AGBL1: variants seen among roughly 807,000 people sequenced by gnomAD.
AGBL1 encodes AGBL carboxypeptidase 1.
Under a neutral mutation model 118.9 loss-of-function variants are expected in AGBL1, and 130 were observed. That is an observed-to-expected ratio of 1.09 (90% CI 0.95 to 1.26). AGBL1 has a LOEUF of 1.26. Among genes scored for constraint, AGBL1 ranks in the 50% most tolerant of loss-of-function variants. The pLI, the probability that AGBL1 is intolerant of heterozygous loss-of-function variation, is 0.00. For synonymous variants in AGBL1, 555 were observed against 478.9 expected, an observed-to-expected ratio of 1.16 and a Z score of -2.08; for missense variants, 1,584 against 1,298.1, an observed-to-expected ratio of 1.22 and a Z score of -3.38.
chr15:86,869,355 G>T (rs534428584), intron 22 of AGBL1, among the ~76,000 whole-genome samples: 2 of 152,078 alleles, frequency 1.3e-5, no homozygotes, highest in East Asian at 1.9e-4. Context: ...CCAGCTGCAG[G>T]TCTCTCCTCC....
At chr15:86,817,245 T>A (rs1486887484) in intron 22 of AGBL1, among the ~76,000 whole-genome samples, 1 of 143,808 alleles carries the variant, frequency 7.0e-6, no homozygotes, top group Non-Finnish European at 1.5e-5. Flanking sequence ...TGACCCAAGA[T>A]AGTGCGATTG....
intron 22 of AGBL1, among the ~76,000 whole-genome samples, chr15:86,719,546 T>C (rs1339955015): frequency 6.6e-6 from 1 of 152,136 alleles, no homozygotes; most frequent in African/African-American, 2.4e-5. Context: ...CCAGACTCCA[T>C]CCTGAAGCTT....
chr15:86,958,961 T>G (rs572913287), intron 23 of AGBL1, among the ~76,000 whole-genome samples: 1 of 152,226 alleles, frequency 6.6e-6, no homozygotes, highest in East Asian at 1.9e-4. Context: ...GTACCATATA[T>G]TTGAAATGTT....
chr15:86,557,177 G>A (rs959808176), intron 21 of AGBL1, among the ~76,000 whole-genome samples: 1 of 152,206 alleles, frequency 6.6e-6, no homozygotes, highest in African/African-American at 2.4e-5. Context: ...CCCACCCACT[G>A]AGAGATTTAC....
chr15:86,138,114 T>C (rs1164962340), intron 1 of AGBL1, among the ~76,000 whole-genome samples: 1 of 152,120 alleles, frequency 6.6e-6, no homozygotes, highest in Non-Finnish European at 1.5e-5. Flanking sequence ...GAATAAGACC[T>C]AGTTCTTGCC....
In AGBL1 at chr15:86,264,456, G is replaced by A. The variant is rs774773649; in HGVS notation, c.1285G>A (p.Gly429Ser). The change falls in exon 11 of 23, where the codon GGC becomes AGC. Residue 429 changes from glycine (G) to serine (S), a missense_variant. By Grantham distance (56) the Gly-to-Ser change is moderately conservative. Transcript: ENST00000614907. ...GACGGGAAGGTCCACTGTGCATCTA[G>A]GCTCCAAAAAAAATCCTGGAGTGAA... ...VKTGRSTVHL[G>S]SKKNPGVNLY... The A allele has an allele frequency of 6.2e-7, 1 of 1,613,806 alleles. No homozygotes were observed. Among genetic ancestry groups the A allele is most frequent in the Non-Finnish European group, 8.5e-7 (1 of 1,179,862 alleles).
intron 22 of AGBL1, among the ~76,000 whole-genome samples, chr15:86,808,555 A>G (rs1225395930): frequency 6.7e-6 from 1 of 149,440 alleles, no homozygotes. Flanking sequence ...TCTCCTCTTT[A>G]TCTTTCCTTC....
chr15:86,727,495 G>C (rs1011813364), intron 22 of AGBL1, among the ~76,000 whole-genome samples: 1 of 152,096 alleles, frequency 6.6e-6, no homozygotes, highest in Non-Finnish European at 1.5e-5. Flanking sequence ...CATAGTCCTT[G>C]CTGGATAAAA....
At chr15:86,779,926 C>A (rs912580843) in intron 22 of AGBL1, among the ~76,000 whole-genome samples, 1 of 105,338 alleles carries the variant, frequency 9.5e-6, no homozygotes, top group African/African-American at 2.6e-5. Context: ...CCCCAACACA[C>A]ACACACACAC....
intron 19 of AGBL1, among the ~76,000 whole-genome samples, chr15:86,531,926 ACT>A (rs1017038003): frequency 3.3e-5 from 5 of 150,808 alleles, no homozygotes; most frequent in Admixed American, 1.3e-4. Flanking sequence ...CATGCTAAAA[ACT>A]CTCAATAAAT....
chr15:86,846,466 A>G (rs1001827726), intron 22 of AGBL1, among the ~76,000 whole-genome samples: 2 of 152,302 alleles, frequency 1.3e-5, no homozygotes, highest in South Asian at 4.1e-4. Flanking sequence ...TCTTACTTAG[A>G]ATTTGAGTTC....
chr15:86,390,237 A>G (rs2081255664), intron 17 of AGBL1, among the ~76,000 whole-genome samples: 1 of 152,232 alleles, frequency 6.6e-6, no homozygotes, highest in African/African-American at 2.4e-5. Context: ...TTAATAACAT[A>G]GCCTAAAAAT....
At chr15:86,583,350 C>T (rs2084200458) in intron 21 of AGBL1, among the ~76,000 whole-genome samples, 1 of 151,902 alleles carries the variant, frequency 6.6e-6, no homozygotes, top group African/African-American at 2.4e-5. Context: ...CCTCCCTACC[C>T]CTCTCTCCAG....
chr15:86,697,773 G>T (rs898930454), intron 22 of AGBL1, among the ~76,000 whole-genome samples: 2 of 151,756 alleles, frequency 1.3e-5, no homozygotes, highest in Admixed American at 1.3e-4. Flanking sequence ...TTGGCCCATG[G>T]GTTGTTCCTT....
intron 5 of AGBL1, among the ~76,000 whole-genome samples, chr15:86,183,161 G>A (rs907118952): frequency 3.3e-5 from 5 of 152,078 alleles, no homozygotes; most frequent in African/African-American, 1.2e-4. Context: ...TCCGATCTCT[G>A]GCTATCAGAG....
At chr15:86,103,484 T>C (rs1896854241) in intron 1 of AGBL1, among the ~76,000 whole-genome samples, 2 of 152,216 alleles carry the variant, frequency 1.3e-5, no homozygotes, top group African/African-American at 2.4e-5. Flanking sequence ...TCTCCCATTT[T>C]TTTTGGATTT....
chr15:86,931,096 C>T (rs2080598139), intron 23 of AGBL1, among the ~76,000 whole-genome samples: 2 of 152,188 alleles, frequency 1.3e-5, no homozygotes, highest in South Asian at 4.1e-4. Flanking sequence ...GAGTCATCCT[C>T]ATAAGCCAAA....
chr15:86,165,493 A>G (rs2077328480), intron 5 of AGBL1, among the ~76,000 whole-genome samples: 2 of 152,160 alleles, frequency 1.3e-5, no homozygotes, highest in Non-Finnish European at 2.9e-5. Flanking sequence ...ACTCAGCCAG[A>G]GCTAATGGAT....
intron 22 of AGBL1, among the ~76,000 whole-genome samples, chr15:86,712,363 A>C: frequency 7.4e-6 from 1 of 134,794 alleles, no homozygotes; most frequent in African/African-American, 2.7e-5. Context: ...GACGATGTGT[A>C]CTTTTTTTTT....
Sources: gnomAD v4.1 joint callset for allele counts (sites outside exome capture counted in the v4.1 genomes callset) on GRCh38, gnomAD v4.1.1 for gene constraint, MANE v1.5 for transcripts, NCBI Gene and HGNC (gene_info 2026-07-23, HGNC 2026-07-21) for gene names.